Variants in CRACR2A observed in about 807,000 individuals in gnomAD.
CRACR2A encodes calcium release activated channel regulator 2A, also known as EF-hand calcium-binding domain-containing protein 4B.
In CRACR2A, 79 loss-of-function variants were observed where a neutral mutation model predicts 90.5. That is an observed-to-expected ratio of 0.87 (90% CI 0.73 to 1.05). CRACR2A has a LOEUF of 1.05. Among genes scored for constraint, CRACR2A ranks in the 50% least tolerant of loss-of-function variants. The pLI is 0.00. For synonymous variants in CRACR2A, 338 were observed against 356.7 expected, an observed-to-expected ratio of 0.95 and a Z score of 0.59; for missense variants, 823 against 897.2, an observed-to-expected ratio of 0.92 and a Z score of 1.06.
intron 2 of CRACR2A, among the ~76,000 whole-genome samples, chr12:3,720,892 A>G (rs983660885): frequency 1.3e-5 from 2 of 152,266 alleles, no homozygotes; most frequent in East Asian, 3.8e-4. Flanking sequence ...ATTCTAAAGC[A>G]AGACAAAGTC....
chr12:3,639,886 C>G (rs1039024245), intron 13 of CRACR2A, among the ~76,000 whole-genome samples: 1 of 152,128 alleles, frequency 6.6e-6, no homozygotes, highest in Non-Finnish European at 1.5e-5. Flanking sequence ...TTGCATCAAG[C>G]TTATTAAGTG....
At chr12:3,713,589 G>A (rs1449533804) in intron 2 of CRACR2A, among the ~76,000 whole-genome samples, 1 of 152,132 alleles carries the variant, frequency 6.6e-6, no homozygotes, top group Non-Finnish European at 1.5e-5. Flanking sequence ...CATGAGAAGG[G>A]GGTAGCCTCA....
In CRACR2A at chr12:3,641,804, G is replaced by A; in HGVS notation, c.1199C>T (p.Ser400Phe). Residue 400 changes from serine to phenylalanine, a missense_variant, in exon 13 of 20, where the codon TCC becomes TTC. Coordinates refer to ENST00000440314, the MANE Select transcript of CRACR2A (RefSeq NM_001144958.2). ...NKAAKANTAASRASWKKRSGS... is the reference protein window; with the variant it reads ...NKAAKANTAAFRASWKKRSGS... ...AGATCTCTTTTTCCAACTTGCCCTG[G>A]AAGCAGCTGTGTTTGCCTTGGCTGC... 2 of 1,551,684 alleles carry A rather than the reference G, an allele frequency of 1.3e-6. No individual in the cohort carries two copies. Among genetic ancestry groups the A allele is most frequent in the African/African-American group, 1.4e-5 (1 of 73,156 alleles).
intron 1 of CRACR2A, among the ~76,000 whole-genome samples, chr12:3,745,780 A>AAAAATAAAATAAAAT (rs941357128): frequency 3.7e-5 from 4 of 106,760 alleles, no homozygotes; most frequent in African/African-American, 1.1e-4. Flanking sequence ...CTTCGTCTCA[A>AAAAATAAAATAAAAT]AAAATAAAAT....
intron 4 of CRACR2A, among the ~76,000 whole-genome samples, chr12:3,686,526 A>G (rs1188881633): frequency 6.6e-6 from 1 of 152,234 alleles, no homozygotes; most frequent in South Asian, 2.1e-4. Context: ...TCAGGGAAAC[A>G]GGGCTTTTGA....
rs367646184 is a variant in CRACR2A, at chr12:3,649,239, G to GATAAATAAATAAATAAATAA, written c.1047-646_1047-627dup. Among the ~76,000 whole-genome samples, 49 of 149,100 alleles carry GATAAATAAATAAATAAATAA rather than the reference G, an allele frequency of 3.3e-4. No homozygotes were observed. The East Asian group carries it at 3.6e-3, about 11-fold the overall frequency. On this transcript the variant is annotated intron_variant, in intron 10 of 19. Coordinates refer to ENST00000440314, the MANE Select transcript of CRACR2A (RefSeq NM_001144958.2). ...AAAACTTAAAGTATAACAATAATAA[G>GATAAATAAATAAATAAATAA]ATAAATAAATAAATAAATAAATAAA...
At chr12:3,666,690 A>G (rs568977573) in intron 7 of CRACR2A, among the ~76,000 whole-genome samples, 32 of 152,368 alleles carry the variant, frequency 2.1e-4, no homozygotes, top group African/African-American at 6.7e-4. Flanking sequence ...ACATCACTGG[A>G]GCTCCAGCTA....
rs564149621 is a variant in CRACR2A, at chr12:3,714,278, A to G, written c.-117-961T>C. Among the ~76,000 whole-genome samples, 7 of 152,332 alleles carry G rather than the reference A, an allele frequency of 4.6e-5. 1 individual carries two copies. The South Asian group carries it at 1.0e-3, about 23-fold the overall frequency. ...ATCCAGCAAGGTATTGTCCTTGTGGAGCTTATATTCCAGTGGGCAGAGACA... is the reference window on the plus strand; with the variant it reads ...ATCCAGCAAGGTATTGTCCTTGTGGGGCTTATATTCCAGTGGGCAGAGACA... On this transcript the variant is annotated intron_variant, in intron 2 of 19. Coordinates refer to ENST00000440314, the MANE Select transcript of CRACR2A (RefSeq NM_001144958.2).
At chr12:3,652,394 T>C (rs1285922817) in intron 10 of CRACR2A, among the ~76,000 whole-genome samples, 1 of 152,236 alleles carries the variant, frequency 6.6e-6, no homozygotes, top group Non-Finnish European at 1.5e-5. Flanking sequence ...CCTTCCACAA[T>C]TGGTCATCCA....
chr12:3,672,034 C>T (rs967812930), intron 7 of CRACR2A, among the ~76,000 whole-genome samples: 5 of 152,184 alleles, frequency 3.3e-5, no homozygotes, highest in Admixed American at 2.0e-4. Context: ...CTTCCCTTCT[C>T]TGAGCTTTGG....
intron 4 of CRACR2A, among the ~76,000 whole-genome samples, chr12:3,682,794 CTTT>C (rs58520135): frequency 6.9e-6 from 1 of 145,900 alleles, no homozygotes; most frequent in Non-Finnish European, 1.5e-5. Flanking sequence ...TTTATTATTA[CTTT>C]TTTTTTTTTT....
At chr12:3,622,119 A>G (rs529219352) in intron 17 of CRACR2A, among the ~76,000 whole-genome samples, 5 of 152,280 alleles carry the variant, frequency 3.3e-5, no homozygotes, top group African/African-American at 1.2e-4. Context: ...CATACCACTC[A>G]GCACAAGATG....
chr12:3,619,864 T>A (rs17770247), intron 17 of CRACR2A, among the ~76,000 whole-genome samples: 9,940 of 152,286 alleles, frequency 0.065, 371 homozygotes, highest in Middle Eastern at 0.12. Flanking sequence ...GCCTCCTGAT[T>A]GCACATAAGC....
chr12:3,641,889 T>C (rs1591648993), intron 12 of CRACR2A, 51 bp from the exon 13 acceptor site: 1 of 1,505,502 alleles, frequency 6.6e-7, no homozygotes, highest in African/African-American at 1.4e-5. Context: ...CTCCGATGTT[T>C]GAACAGAAAA....
chr12:3,659,075 C>G (rs115583433), intron 8 of CRACR2A, among the ~76,000 whole-genome samples: 166 of 152,260 alleles, frequency 1.1e-3, no homozygotes, highest in African/African-American at 3.9e-3. Flanking sequence ...AGCACAGGCT[C>G]TAATGCTTGT....
intron 2 of CRACR2A, among the ~76,000 whole-genome samples, chr12:3,724,918 C>T (rs758069396): frequency 3.9e-5 from 6 of 151,934 alleles, no homozygotes; most frequent in East Asian, 1.9e-4. Context: ...TCTAAGGAGG[C>T]GCAGCAAGCA....
At chr12:3,623,281 C>A (rs547955032) in intron 17 of CRACR2A, among the ~76,000 whole-genome samples, 2 of 152,170 alleles carry the variant, frequency 1.3e-5, no homozygotes, top group African/African-American at 2.4e-5. Context: ...TTAATCTCCA[C>A]GTTTTTTTCC....
chr12:3,639,432 G>A (rs1369950235), intron 13 of CRACR2A, among the ~76,000 whole-genome samples: 1 of 74,756 alleles, frequency 1.3e-5, no homozygotes. Flanking sequence ...AAGTTTGACA[G>A]GGAGGACCTT....
At position 3,698,807 on chromosome 12, in the gene CRACR2A, G is replaced by A. The variant is rs140184156; in HGVS notation, c.-36-1772C>T. On this transcript the variant is annotated intron_variant, in intron 3 of 19. Transcript: ENST00000440314. Reference sequence around the variant, plus strand: ...GCATTGTTCAGCCCGCCTGCATGAAGTGCTGGCTTTGGAAGGGCTTTTGGA... The same window carrying A: ...GCATTGTTCAGCCCGCCTGCATGAAATGCTGGCTTTGGAAGGGCTTTTGGA... Among the ~76,000 whole-genome samples, 161 of 152,324 alleles carry A rather than the reference G, an allele frequency of 1.1e-3. 2 individuals carry two copies. Among genetic ancestry groups the A allele is most frequent in the Middle Eastern group, 0.01 (3 of 294 alleles).
Sources: allele counts gnomAD v4.1 joint callset (sites outside exome capture counted in the v4.1 genomes callset), GRCh38; gene constraint gnomAD v4.1.1; transcripts MANE v1.5; gene names NCBI Gene and HGNC (gene_info 2026-07-23, HGNC 2026-07-21).